MPDZ: variants seen among roughly 807,000 people sequenced by gnomAD.
MPDZ encodes the protein multiple PDZ domain protein.
A neutral mutation model predicts 239.1 loss-of-function variants in MPDZ; 234 were observed. The ratio of observed to expected loss-of-function variants is 0.98; its 90% confidence interval spans 0.88 to 1.09. The LOEUF (loss-of-function observed/expected upper bound fraction) is 1.09. Among genes scored for constraint, MPDZ ranks in the 50% least tolerant of loss-of-function variants. MPDZ has a pLI of 0.00. For missense variants in MPDZ, 3,175 were observed against 2,510.0 expected, an observed-to-expected ratio of 1.26 and a Z score of -5.66; for synonymous variants, 1,048 against 881.3, an observed-to-expected ratio of 1.19 and a Z score of -3.35.
At chr9:13,113,203 A>T in intron 41 of MPDZ, 149 bp from the exon 42 acceptor site, 2 of 645,844 alleles carry the variant, frequency 3.1e-6, no homozygotes, top group Non-Finnish European at 2.7e-6. Context: ...ACATGATTAG[A>T]TCTGTCTTAC....
At chr9:13,255,364 G>C (rs1454161468) in intron 1 of MPDZ, among the ~76,000 whole-genome samples, 1 of 152,138 alleles carries the variant, frequency 6.6e-6, no homozygotes, top group East Asian at 1.9e-4. Context: ...TGGTAATGTT[G>C]ATATTTTGCC....
At chr9:13,233,628 T>C (rs1443266760) in intron 3 of MPDZ, among the ~76,000 whole-genome samples, 1 of 152,156 alleles carries the variant, frequency 6.6e-6, no homozygotes, top group Admixed American at 6.6e-5. Context: ...TTTTTCCCTT[T>C]AATGTATGTT....
chr9:13,169,287 A>G (rs1951485389), intron 21 of MPDZ, among the ~76,000 whole-genome samples: 1 of 152,060 alleles, frequency 6.6e-6, no homozygotes, highest in Admixed American at 6.6e-5. Flanking sequence ...AGGAAATGCA[A>G]TCTTAGCATG....
intron 3 of MPDZ, among the ~76,000 whole-genome samples, chr9:13,234,434 C>T (rs1588004984): frequency 6.6e-6 from 1 of 152,002 alleles, no homozygotes; most frequent in African/African-American, 2.4e-5. Context: ...TAATTACCTA[C>T]AAAAATGACT....
At chr9:13,136,417 C>T (rs1010483010) in intron 30 of MPDZ, among the ~76,000 whole-genome samples, 3 of 146,054 alleles carry the variant, frequency 2.1e-5, no homozygotes, top group Admixed American at 6.8e-5. Context: ...CTGCAACCTC[C>T]GCCTCCCAGG....
At chr9:13,221,923 A>C (rs1376674479) in intron 6 of MPDZ, among the ~76,000 whole-genome samples, 1 of 152,108 alleles carries the variant, frequency 6.6e-6, no homozygotes, top group Non-Finnish European at 1.5e-5. Flanking sequence ...ATATAATTGT[A>C]TAATTTTTAA....
intron 3 of MPDZ, among the ~76,000 whole-genome samples, chr9:13,230,344 C>G (rs188898258): frequency 2.0e-5 from 3 of 152,098 alleles, no homozygotes; most frequent in Admixed American, 6.5e-5. Context: ...CACACAAAAT[C>G]CATACACAAT....
chr9:13,238,449 A>G (rs1964621832), intron 3 of MPDZ, among the ~76,000 whole-genome samples: 2 of 152,148 alleles, frequency 1.3e-5, no homozygotes, highest in African/African-American at 4.8e-5. Context: ...CCTATAAAAT[A>G]TGCTGCAGTC....
At chr9:13,184,110 G>C (rs1423227992) in intron 18 of MPDZ, among the ~76,000 whole-genome samples, 1 of 151,930 alleles carries the variant, frequency 6.6e-6, no homozygotes, top group Non-Finnish European at 1.5e-5. Context: ...GTGATTTCAT[G>C]CTAAAATTAT....
At position 13,279,465 on chromosome 9, in the gene MPDZ, C is replaced by T. The variant is rs1975186238; in HGVS notation, c.-123G>A. The T allele has an allele frequency of 6.7e-6, 1 of 148,576 alleles. No individual in the cohort carries two copies. Among genetic ancestry groups the T allele is most frequent in the South Asian group, 2.1e-4 (1 of 4,820 alleles). The allele number at this position is 148,576 out of a possible 1,614,324, so 9.2% of individuals were successfully genotyped here. On this transcript the variant is annotated 5_prime_UTR_variant, in exon 1 of 47. Coordinates refer to ENST00000319217, the MANE Select transcript of MPDZ (RefSeq NM_001378778.1). ...CGGAGGACTGGGGAGCAGGGGTCGC[C>T]GGGGCCTCTGGATGCCTCGCCTCGC...
intron 12 of MPDZ, among the ~76,000 whole-genome samples, chr9:13,203,637 T>C (rs1241324765): frequency 6.6e-6 from 1 of 151,968 alleles, no homozygotes; most frequent in African/African-American, 2.4e-5. Flanking sequence ...GGCAGATGCA[T>C]TAAAGTCACT....
intron 20 of MPDZ, 24 bp from the exon 21 acceptor site, chr9:13,175,899 C>G (rs1209169844): frequency 5.1e-6 from 8 of 1,572,986 alleles, no homozygotes; most frequent in Non-Finnish European, 6.9e-6. Flanking sequence ...AAAGAAGTCA[C>G]AAGTCACATG....
chr9:13,248,477 A>G (rs1564127307), intron 2 of MPDZ, among the ~76,000 whole-genome samples: 1 of 152,120 alleles, frequency 6.6e-6, no homozygotes, highest in Non-Finnish European at 1.5e-5. Context: ...TCTTACAAGC[A>G]TACTTACGCC....
chr9:13,271,135 T>A (rs187005406), intron 1 of MPDZ, among the ~76,000 whole-genome samples: 75 of 152,334 alleles, frequency 4.9e-4, no homozygotes, highest in Non-Finnish European at 3.2e-4. Flanking sequence ...TAAATATTTT[T>A]AAATCTTTTT....
At chr9:13,175,649 GTTCTC>G (rs1235149620) in intron 21 of MPDZ, 98 bp downstream of exon 21, 1 of 1,203,308 alleles carries the variant, frequency 8.3e-7, no homozygotes, top group East Asian at 2.6e-5. Flanking sequence ...TCTACCATCT[GTTCTC>G]TTATCTACAG....
At chr9:13,108,640 C>T (rs1941893100) in intron 46 of MPDZ, among the ~76,000 whole-genome samples, 1 of 151,866 alleles carries the variant, frequency 6.6e-6, no homozygotes, top group Admixed American at 6.6e-5. Flanking sequence ...CGATCATGTG[C>T]AATTTGTGTT....
chr9:13,194,844 TC>T (rs1383656906), intron 13 of MPDZ, among the ~76,000 whole-genome samples: 1 of 152,072 alleles, frequency 6.6e-6, no homozygotes, highest in African/African-American at 2.4e-5. Context: ...ATTAACCCTA[TC>T]CCTCCATGAA....
In MPDZ at chr9:13,141,096, CG is replaced by C. The variant is rs1436468147; in HGVS notation, c.3841-948del. 3.1e-4 allele frequency among the ~76,000 whole-genome samples: 31 copies of C among 100,200 alleles called. 1 individual carries two copies. The East Asian group carries it at 7.8e-3, about 25-fold the overall frequency. 65.7% of individuals were successfully genotyped at this position (100,200 alleles called of 152,430 possible). A position where few individuals can be genotyped will look rare whatever the true frequency, so the allele number is the denominator to read the frequency against. ...TCACTTAGGGTCATAGGTCCTATTT[CG>C]AAAAAAAAAAAAAAAAGTACTTGGC... On this transcript the variant is annotated intron_variant, in intron 27 of 46. Coordinates refer to ENST00000319217, the MANE Select transcript of MPDZ (RefSeq NM_001378778.1).
intron 19 of MPDZ, among the ~76,000 whole-genome samples, chr9:13,182,410 AATTCCCATACT>A (rs1482810186): frequency 4.6e-5 from 7 of 152,238 alleles, no homozygotes; most frequent in African/African-American, 1.7e-4. Context: ...CACATAGCTA[AATTCCCATACT>A]TCCTTTTTTC....
Sources: gnomAD v4.1 joint callset for allele counts (sites outside exome capture counted in the v4.1 genomes callset) on GRCh38, gnomAD v4.1.1 for gene constraint, MANE v1.5 for transcripts, NCBI Gene and HGNC (gene_info 2026-07-23, HGNC 2026-07-21) for gene names.